GBF1: variants seen among roughly 807,000 people sequenced by gnomAD.
GBF1 encodes the protein golgi brefeldin A resistant guanine nucleotide exchange factor 1, also known as Golgi-specific brefeldin A-resistance guanine nucleotide exchange factor 1.
GBF1 carries 114 observed loss-of-function variants against 210.5 expected under a neutral mutation model. The observed-to-expected ratio is 0.54, with a 90% confidence interval of 0.47 to 0.63. The LOEUF (loss-of-function observed/expected upper bound fraction) is 0.63. GBF1 is among the 30% of genes least tolerant of loss of function. GBF1 has a pLI of 0.00. For synonymous variants in GBF1, 850 were observed against 889.2 expected (o/e 0.96, Z 0.78); for missense variants, 1,851 against 2,357.7 (o/e 0.79, Z 4.45).
At chr10:102,379,681 G>T in intron 35 of GBF1, 30 bp downstream of exon 35, 1 of 1,612,842 alleles carries the variant, frequency 6.2e-7, no homozygotes, top group Non-Finnish European at 8.5e-7. Context: ...TTAAGATAAA[G>T]TTCAAATCCT....
At chr10:102,365,020 A>G (rs975675126) in intron 17 of GBF1, among the ~76,000 whole-genome samples, 1 of 152,222 alleles carries the variant, frequency 6.6e-6, no homozygotes, top group African/African-American at 2.4e-5. Flanking sequence ...CTAGGCAACC[A>G]AAGAAGCTAA....
At position 102,370,411 on chromosome 10, in the gene GBF1, G is replaced by C. The variant is rs1437099731; in HGVS notation, c.3439G>C (p.Glu1147Gln). ...KALVSVTPDE[E>Q]TYDEEDAAFC... ...TCTGGTCTCAGTGACACCAGATGAAGAGACATATGATGAGGAAGATGCTGC... is the reference window on the plus strand; with the variant it reads ...TCTGGTCTCAGTGACACCAGATGAACAGACATATGATGAGGAAGATGCTGC... Residue 1147 changes from glutamate (E) to glutamine (Q), a missense_variant, in exon 28 of 40, where the codon GAG (glutamate) becomes CAG (glutamine). Physicochemically the swap from Glu to Gln is conservative, Grantham distance 29. Around this residue, in one of 3 missense-constraint regions of GBF1, gnomAD observed 967 missense variants for 1,247.7 expected, o/e 0.78. Transcript: ENST00000369983. The C allele has an allele frequency of 6.8e-6, 11 of 1,612,944 alleles. No individual in the cohort carries two copies. Among genetic ancestry groups the C allele is most frequent in the Non-Finnish European group, 9.3e-6 (11 of 1,178,980 alleles).
At chr10:102,380,994 CAAAA>C in intron 38 of GBF1, 129 bp from the exon 39 acceptor site, 1 of 644,028 alleles carries the variant, frequency 1.6e-6, no homozygotes, top group Non-Finnish European at 2.5e-6. Flanking sequence ...GATTCCATCT[CAAAA>C]AAAAAAAGTC....
chr10:102,306,067 G>A (rs938478498), intron 3 of GBF1, among the ~76,000 whole-genome samples: 1 of 152,082 alleles, frequency 6.6e-6, no homozygotes, highest in Non-Finnish European at 1.5e-5. Context: ...TACAATTAAA[G>A]GATACCTAAG....
At chr10:102,323,780 G>A (rs1032432099) in intron 3 of GBF1, among the ~76,000 whole-genome samples, 2 of 152,016 alleles carry the variant, frequency 1.3e-5, no homozygotes, top group Non-Finnish European at 2.9e-5. Context: ...ATCTGAAGGG[G>A]GTAGCAAGGG....
chr10:102,231,942 C>T, the GBF1 span: 1 of 1,595,160 alleles, frequency 6.3e-7, no homozygotes, highest in Non-Finnish European at 8.6e-7. Flanking sequence ...GTCCTGCACC[C>T]CCGGAAGGGG....
At chr10:102,242,816 C>T (rs759351245), upstream of GBF1, among the ~76,000 whole-genome samples, 19 of 151,700 alleles carry the variant, frequency 1.3e-4, no homozygotes, top group Non-Finnish European at 2.1e-4. Context: ...GTAGTCTCAG[C>T]TACTGGGGAG....
chr10:102,260,459 C>T (rs2073042841), intron 3 of GBF1, among the ~76,000 whole-genome samples: 1 of 127,924 alleles, frequency 7.8e-6, no homozygotes, highest in Non-Finnish European at 1.6e-5. Context: ...TGTGCCTGGC[C>T]TATATTTTCC....
chr10:102,353,794 T>C, intron 8 of GBF1, 140 bp downstream of exon 8: 1 of 647,594 alleles, frequency 1.5e-6, no homozygotes, highest in Non-Finnish European at 2.8e-6. Flanking sequence ...CTCTCACTCC[T>C]TTCGTGAGAA....
At chr10:102,278,992 T>C (rs1230572372) in intron 3 of GBF1, among the ~76,000 whole-genome samples, 1 of 152,200 alleles carries the variant, frequency 6.6e-6, no homozygotes, top group Non-Finnish European at 1.5e-5. Flanking sequence ...AAACTTTCCC[T>C]CTAATACCTA....
intron 3 of GBF1, among the ~76,000 whole-genome samples, chr10:102,264,644 C>T (rs1362301435): frequency 6.6e-6 from 1 of 152,186 alleles, no homozygotes. Context: ...TCCTTCTCCC[C>T]CCTCCCTGTC....
intron 22 of GBF1, 37 bp downstream of exon 22, chr10:102,368,491 A>G: frequency 4.6e-6 from 5 of 1,095,144 alleles, no homozygotes; most frequent in Non-Finnish European, 7.1e-6. Flanking sequence ...ACCTCCCACT[A>G]GCTCTGTGAG....
intron 3 of GBF1, among the ~76,000 whole-genome samples, chr10:102,323,720 T>C (rs1019428041): frequency 6.6e-6 from 1 of 152,162 alleles, no homozygotes; most frequent in Non-Finnish European, 1.5e-5. Flanking sequence ...GCTTGTTTAA[T>C]CCAGTCAAAT....
Position 102,366,271 on chromosome 10 carries a change from G to T in GBF1, c.2310-112G>T. On this transcript the variant is annotated intron_variant, in intron 18 of 39. Transcript: ENST00000369983. The surrounding 1 kb of genome is among the most constrained non-coding windows in gnomAD (Gnocchi z 4.0). The stretch of plus-strand genomic sequence containing the variant: ...CAGGAGATACTGCCCCTTTACTAGA[G>T]ACCTCAGCCTCCTCTCTTCCAGTAA... 9.1e-7 allele frequency: 1 copy of T among 1,097,634 alleles called. No homozygotes were observed. Among genetic ancestry groups the T allele is most frequent in the Non-Finnish European group, 1.4e-6 (1 of 735,838 alleles). The allele number at this position is 1,097,634 out of a possible 1,614,324, so 68.0% of individuals were successfully genotyped here. A position where few individuals can be genotyped will look rare whatever the true frequency, so the allele number is the denominator to read the frequency against.
intron 3 of GBF1, among the ~76,000 whole-genome samples, chr10:102,317,721 A>C: frequency 6.6e-6 from 1 of 152,254 alleles, no homozygotes; most frequent in East Asian, 1.9e-4. Flanking sequence ...CGCAAACACA[A>C]TATCACCCTT....
chr10:102,241,764 CG>C (rs1360576633), upstream of GBF1, among the ~76,000 whole-genome samples: 1 of 152,250 alleles, frequency 6.6e-6, no homozygotes, highest in Non-Finnish European at 1.5e-5. The surrounding 1 kb of genome is among the most constrained non-coding windows in gnomAD (Gnocchi z 6.7). Flanking sequence ...GCAGAGACCG[CG>C]CTCCGGCTAG....
intron 3 of GBF1, among the ~76,000 whole-genome samples, chr10:102,265,022 G>T (rs569990600): frequency 9.9e-4 from 151 of 152,318 alleles, no homozygotes; most frequent in Non-Finnish European, 1.9e-3. Flanking sequence ...AGACCTTGTG[G>T]TAGGATCTGT....
intron 8 of GBF1, 121 bp from the exon 9 acceptor site, chr10:102,357,918 C>T (rs2059384484): frequency 1.4e-6 from 1 of 725,390 alleles, no homozygotes; most frequent in Non-Finnish European, 2.4e-6. Context: ...TAGAGTCTTA[C>T]TTTAGCAAAG....
At chr10:102,292,002 G>A (rs1205560955) in intron 3 of GBF1, among the ~76,000 whole-genome samples, 1 of 148,608 alleles carries the variant, frequency 6.7e-6, no homozygotes, top group African/African-American at 2.5e-5. Context: ...CCATTCTCCT[G>A]CCCCAGCCTC....
Sources: gnomAD v4.1 joint callset for allele counts (sites outside exome capture counted in the v4.1 genomes callset) on GRCh38, gnomAD v4.1.1 for gene constraint, gnomAD v4.1.1 regional missense constraint, Gnocchi (gnomAD v3.1) non-coding constraint, MANE v1.5 for transcripts, NCBI Gene and HGNC (gene_info 2026-07-23, HGNC 2026-07-21) for gene names.